NAALADL2: variants seen among roughly 807,000 people sequenced by gnomAD.
NAALADL2 encodes the protein inactive N-acetylated-alpha-linked acidic dipeptidase-like protein 2.
In NAALADL2, 76 loss-of-function variants were observed where a neutral mutation model predicts 87.2. The observed-to-expected ratio is 0.87, with a 90% CI of 0.72 to 1.05. NAALADL2 has a LOEUF of 1.05. Among genes scored for constraint, NAALADL2 ranks in the 50% least tolerant of loss-of-function variants. The pLI, the probability that NAALADL2 is intolerant of heterozygous loss-of-function variation, is 0.00. For missense variants in NAALADL2, 1,089 were observed against 945.8 expected (o/e 1.15, Z -1.99); for synonymous variants, 354 against 331.0 (o/e 1.07, Z -0.75).
In NAALADL2 at chr3:174,928,367, G is replaced by T. The variant is rs576974839; in HGVS notation, c.43+68917G>T. Among the ~76,000 whole-genome samples the T allele has an allele frequency of 3.9e-5, 6 of 152,210 alleles. No homozygotes were observed. In the East Asian group the frequency reaches 5.8e-4, roughly 15 times the overall value. On this transcript the variant is annotated intron_variant, in intron 1 of 13. Transcript: ENST00000454872. Reference sequence around the variant, plus strand: ...CGATTCTTCTGCCTCATCCTCTCGAGTACCTGGGATTACAGGCACCTACCA... The same window carrying T: ...CGATTCTTCTGCCTCATCCTCTCGATTACCTGGGATTACAGGCACCTACCA...
chr3:175,363,145 A>G (rs1193771473), intron 5 of NAALADL2, among the ~76,000 whole-genome samples: 2 of 147,036 alleles, frequency 1.4e-5, no homozygotes, highest in Non-Finnish European at 3.0e-5. Flanking sequence ...CTTTCTATTT[A>G]GTTGTGATAT....
At chr3:175,461,362 G>A (rs150274530) in intron 6 of NAALADL2, among the ~76,000 whole-genome samples, 2 of 152,106 alleles carry the variant, frequency 1.3e-5, no homozygotes, top group Non-Finnish European at 2.9e-5. Context: ...GTGCTGATTG[G>A]TGCATTTTTA....
chr3:175,612,473 C>T (rs1462378923), intron 10 of NAALADL2, among the ~76,000 whole-genome samples: 1 of 152,096 alleles, frequency 6.6e-6, no homozygotes, highest in African/African-American at 2.4e-5. Flanking sequence ...TATTCTTGGC[C>T]AAAGGACCTT....
intron 1 of NAALADL2, among the ~76,000 whole-genome samples, chr3:175,062,325 G>A (rs1183399864): frequency 1.3e-5 from 2 of 152,096 alleles, no homozygotes; most frequent in African/African-American, 2.4e-5. Context: ...TCATTCTATG[G>A]CAATCTTATT....
chr3:175,314,666 C>A (rs1369162666), intron 4 of NAALADL2, among the ~76,000 whole-genome samples: 1 of 30,756 alleles, frequency 3.3e-5, no homozygotes, highest in Non-Finnish European at 6.2e-5. Flanking sequence ...ATAGTTCTAA[C>A]TATATATATA....
At chr3:174,499,397 C>T (rs1718746386) in intron 1 of NAALADL2, among the ~76,000 whole-genome samples, 1 of 152,036 alleles carries the variant, frequency 6.6e-6, no homozygotes, top group South Asian at 2.1e-4. Context: ...TTAACAGTGT[C>T]ATTTAAATAG....
At chr3:175,114,947 A>G (rs1220491256) in intron 2 of NAALADL2, among the ~76,000 whole-genome samples, 1 of 151,652 alleles carries the variant, frequency 6.6e-6, no homozygotes. Context: ...TACGAATTAC[A>G]TTACTGGTTT....
chr3:174,442,687 G>A (rs1246039952), intron 1 of NAALADL2, among the ~76,000 whole-genome samples: 1 of 152,142 alleles, frequency 6.6e-6, no homozygotes, highest in Non-Finnish European at 1.5e-5. Flanking sequence ...AGAAACTTCT[G>A]GCTTCTTGGA....
At chr3:175,495,578 C>T (rs1728695647) in intron 9 of NAALADL2, among the ~76,000 whole-genome samples, 1 of 152,014 alleles carries the variant, frequency 6.6e-6, no homozygotes, top group South Asian at 2.1e-4. Flanking sequence ...GTCAGGGGGC[C>T]TTCAAGTTCT....
intron 1 of NAALADL2, among the ~76,000 whole-genome samples, chr3:174,490,562 A>C (rs1044284390): frequency 1.3e-5 from 2 of 152,154 alleles, no homozygotes; most frequent in African/African-American, 4.8e-5. Flanking sequence ...TTAGATCTCA[A>C]TAAAGATCTT....
intron 4 of NAALADL2, among the ~76,000 whole-genome samples, chr3:175,308,116 T>C (rs1418281848): frequency 1.3e-5 from 2 of 152,208 alleles, no homozygotes; most frequent in African/African-American, 4.8e-5. Flanking sequence ...TAGACATTTT[T>C]ACAGAGAAAA....
intron 9 of NAALADL2, among the ~76,000 whole-genome samples, chr3:175,481,505 T>G (rs575658534): frequency 6.6e-6 from 1 of 151,936 alleles, no homozygotes; most frequent in Non-Finnish European, 1.5e-5. Context: ...CTCGTGCTGG[T>G]GTAAAATGGC....
intron 2 of NAALADL2, among the ~76,000 whole-genome samples, chr3:174,620,808 T>G (rs935223851): frequency 1.3e-5 from 2 of 152,118 alleles, no homozygotes; most frequent in Non-Finnish European, 1.5e-5. Flanking sequence ...AAATCTCATT[T>G]TGATGAACTT....
At chr3:174,718,375 A>T (rs1372419867) in intron 2 of NAALADL2, among the ~76,000 whole-genome samples, 1 of 152,186 alleles carries the variant, frequency 6.6e-6, no homozygotes. Flanking sequence ...AGGAGGTTAC[A>T]GTCATGATCT....
chr3:175,561,863 T>A (rs540950514), intron 9 of NAALADL2, among the ~76,000 whole-genome samples: 4 of 152,348 alleles, frequency 2.6e-5, no homozygotes, highest in South Asian at 4.1e-4. Flanking sequence ...ATCTTTTTTG[T>A]GTGACTAGGT....
Position 175,234,202 on chromosome 3 carries a change from A to C in NAALADL2, c.817A>C (p.Lys273Gln), listed in dbSNP as rs1170474287. 1 of 1,612,950 alleles carries C rather than the reference A, an allele frequency of 6.2e-7. No homozygotes were observed. ...AGCCTATTCTGCCAAAGGAACTCTC[A>C]AGGTAATATGACCATTTGTCTCTGT... ...YAAYSAKGTL[K>Q]AEVIDVSYGM... Residue 273 changes from lysine (K) to glutamine (Q), a missense_variant and splice_region_variant, in exon 3 of 14, where the codon AAG becomes CAG. Lys to Gln is a moderately conservative substitution (Grantham distance 53). Coordinates refer to ENST00000454872, the MANE Select transcript of NAALADL2 (RefSeq NM_207015.3).
chr3:174,728,932 C>T lies in NAALADL2; in HGVS notation c.-114-8709C>T, dbSNP rs575090267. ...CTAATAACTCATTGGACCGCCTCAT[C>T]GAGGTCAAGAACTTGACATACAGCA... is the stretch of plus-strand genomic sequence containing the variant. On this transcript the variant is annotated intron_variant, in intron 2 of 3. Transcript: ENST00000434257. Among the ~76,000 whole-genome samples, 43 of 152,118 alleles carry T rather than the reference C, an allele frequency of 2.8e-4. No homozygotes were observed. In the South Asian group the frequency reaches 8.7e-3, roughly 31 times the overall value.
chr3:175,242,476 T>C (rs922100560), intron 3 of NAALADL2: 7 of 152,194 alleles, frequency 4.6e-5, no homozygotes, highest in Non-Finnish European at 8.8e-5. Context: ...TTAAACACAT[T>C]AGTCCAAGAA....
chr3:174,469,769 T>A (rs1385650910), intron 1 of NAALADL2, among the ~76,000 whole-genome samples: 1 of 152,102 alleles, frequency 6.6e-6, no homozygotes, highest in Non-Finnish European at 1.5e-5. Context: ...ACCTGGTTTG[T>A]GTTAAATGGA....
Sources: allele counts gnomAD v4.1 joint callset (sites outside exome capture counted in the v4.1 genomes callset), GRCh38; gene constraint gnomAD v4.1.1; transcripts MANE v1.5; gene names NCBI Gene and HGNC (gene_info 2026-07-23, HGNC 2026-07-21).